The following TYK2 variants were observed in gnomAD, a reference collection of about 807,000 sequenced individuals.
TYK2 encodes non-receptor tyrosine-protein kinase TYK2.
In TYK2, 65 loss-of-function variants were observed where a neutral mutation model predicts 130.9. The ratio of observed to expected loss-of-function variants is 0.50; its 90% CI spans 0.41 to 0.61. The LOEUF is 0.61. TYK2 is among the 20% of genes least tolerant of loss of function. TYK2 has a pLI of 0.00. For missense variants in TYK2, 1,378 were observed against 1,610.7 expected (o/e 0.86, Z 2.47); for synonymous variants, 647 against 658.9 (o/e 0.98, Z 0.28).
At chr19:10,367,872 A>G (rs966454089) in intron 5 of TYK2, among the ~76,000 whole-genome samples, 183 bp downstream of exon 5, 1 of 151,792 alleles carries the variant, frequency 6.6e-6, no homozygotes, top group Non-Finnish European at 1.5e-5. Context: ...GTGAGCCGAG[A>G]TCACATCACT....
In TYK2 at chr19:10,369,863, G is replaced by A. The variant is rs12720246; in HGVS notation, c.194-1445C>T. 9.1e-3 allele frequency: 3,458 copies of A among 381,962 alleles called. 114 individuals carry two copies. The highest frequency in any genetic ancestry group is 0.069 in the African/African-American group (3,182 of 46,276). The allele number at this position is 381,962 out of a possible 1,614,324, so 23.7% of individuals were successfully genotyped here. A position where few individuals can be genotyped will look rare whatever the true frequency, so the allele number is the denominator to read the frequency against. On this transcript the variant is annotated intron_variant, in intron 3 of 24. Coordinates refer to ENST00000525621, the MANE Select transcript of TYK2 (RefSeq NM_003331.5). ...TCAAGACCATCTTGGCTAACATGGT[G>A]AAACCCCGTCTCTACTAAAAAATAC...
intron 17 of TYK2, 180 bp downstream of exon 17, chr19:10,357,584 C>CCT: frequency 2.4e-6 from 2 of 845,064 alleles, no homozygotes; most frequent in Middle Eastern, 4.3e-4. Context: ...GTGACTTCCA[C>CCT]AAGGACCTAA....
intron 23 of TYK2, among the ~76,000 whole-genome samples, chr19:10,351,824 C>T (rs1340109419): frequency 6.6e-6 from 1 of 151,998 alleles, no homozygotes; most frequent in Non-Finnish European, 1.5e-5. Context: ...CTGCAACCTT[C>T]GCCTACCGGG....
At position 10,361,036 on chromosome 19, in the gene TYK2, G is replaced by A. The variant is rs969743833; in HGVS notation, c.2047+475C>T. On this transcript the variant is annotated intron_variant, in intron 14 of 24. Coordinates refer to ENST00000525621, the MANE Select transcript of TYK2 (RefSeq NM_003331.5). The surrounding 1 kb of genome is among the most constrained non-coding windows in gnomAD (Gnocchi z 4.0). ...TCCCAAAGTGCTGGGATAGGTGTGAGCCACCACACCTAGCCTATACAAGGA... is the reference window on the plus strand; with the variant it reads ...TCCCAAAGTGCTGGGATAGGTGTGAACCACCACACCTAGCCTATACAAGGA... 2 of 433,826 alleles carry A rather than the reference G, an allele frequency of 4.6e-6. No homozygotes were observed. The highest frequency in any genetic ancestry group is 2.6e-5 in the Admixed American group (1 of 37,748). The allele number at this position is 433,826 out of a possible 1,614,324, so 26.9% of individuals were successfully genotyped here.
chr19:10,365,278 A>G (rs2041606357), intron 7 of TYK2, among the ~76,000 whole-genome samples: 1 of 152,148 alleles, frequency 6.6e-6, no homozygotes, highest in Non-Finnish European at 1.5e-5. Flanking sequence ...CCTCACACCC[A>G]GGTGCCAGTC....
Position 10,353,927 on chromosome 19 carries a change from A to G in TYK2, c.2908+115T>C. 8.7e-7 allele frequency: 1 copy of G among 1,149,488 alleles called. No individual in the cohort carries two copies. Among genetic ancestry groups the G allele is most frequent in the Non-Finnish European group, 1.3e-6 (1 of 783,494 alleles). The allele number at this position is 1,149,488 out of a possible 1,614,324, so 71.2% of individuals were successfully genotyped here. On this transcript the variant is annotated intron_variant, in intron 20 of 24. Transcript: ENST00000525621. The surrounding 1 kb of genome is among the most constrained non-coding windows in gnomAD (Gnocchi z 6.9). ...CCAGATGCCAAGAACCGCGTACTGC[A>G]GCCTGGGGTTGAGAGTCTCTAATTG...
In TYK2 at chr19:10,378,309, T is replaced by C; in HGVS notation, c.98A>G (p.His33Arg). The change falls in exon 3 of 25, where the codon CAC (histidine) becomes CGC (arginine). Residue 33 changes from histidine to arginine, a missense_variant. By Grantham distance (29) the His-to-Arg change is conservative (BLOSUM62 0). Transcript: ENST00000525621. Reference protein sequence around the residue: ...AAMGGLKVLLHWAGPGGGEPW... With the variant: ...AAMGGLKVLLRWAGPGGGEPW... ...CTCCCCGCCGCCTGGACCAGCCCAG[T>C]GCAGAAGCACCTTCAGGCCTCCCAT... 1.2e-6 allele frequency: 2 copies of C among 1,612,862 alleles called. No homozygotes were observed. Among genetic ancestry groups the C allele is most frequent in the Non-Finnish European group, 1.7e-6 (2 of 1,179,974 alleles).
chr19:10,359,772 G>C (rs1468343121), intron 14 of TYK2, among the ~76,000 whole-genome samples: 1 of 152,190 alleles, frequency 6.6e-6, no homozygotes, highest in East Asian at 1.9e-4. Flanking sequence ...AAGTTCAGGA[G>C]TTCGAGACCA....
chr19:10,377,619 G>A (rs2042193115), intron 3 of TYK2, among the ~76,000 whole-genome samples: 1 of 99,964 alleles, frequency 1.0e-5, no homozygotes, highest in Non-Finnish European at 2.0e-5. Flanking sequence ...TGGATGGATG[G>A]GTGGATGGGT....
intron 17 of TYK2, chr19:10,357,554 C>T (rs765290673): frequency 4.3e-5 from 32 of 745,738 alleles, no homozygotes; most frequent in Middle Eastern, 4.4e-4. Flanking sequence ...TCTTACTTGC[C>T]TTCTGTGTGC....
At chr19:10,363,682 C>A (rs1468350600) in intron 9 of TYK2, among the ~76,000 whole-genome samples, 2 of 152,168 alleles carry the variant, frequency 1.3e-5, no homozygotes, top group African/African-American at 4.8e-5. Flanking sequence ...TATGACAGGG[C>A]AACATAGGGG....
rs12720322 is a variant in TYK2, at chr19:10,353,702, G to A, written c.2909-56C>T. On this transcript the variant is annotated intron_variant, in intron 20 of 24. Coordinates refer to ENST00000525621, the MANE Select transcript of TYK2 (RefSeq NM_003331.5). This position sits in a 1 kb window ranked among gnomAD's most constrained non-coding sequence, Gnocchi z 6.9. ...GACGATAGAGGGCGGGCCGGGGACCGCCTACCTTGAGCCCAGCAGAGCCCC... is the reference window on the plus strand; with the variant it reads ...GACGATAGAGGGCGGGCCGGGGACCACCTACCTTGAGCCCAGCAGAGCCCC... 3.3e-4 allele frequency: 445 copies of A among 1,338,208 alleles called. 3 individuals are homozygous for A. In the African/African-American group the frequency reaches 5.8e-3, roughly 17 times the overall value. 82.9% of individuals were successfully genotyped at this position (1,338,208 alleles called of 1,614,324 possible). A position where few individuals can be genotyped will look rare whatever the true frequency, so the allele number is the denominator to read the frequency against.
chr19:10,358,507 G>A (rs2041227040), intron 15 of TYK2, among the ~76,000 whole-genome samples: 1 of 151,860 alleles, frequency 6.6e-6, no homozygotes, highest in Admixed American at 6.6e-5. Flanking sequence ...AGGCTGGGGT[G>A]CAGTGGTGTG....
chr19:10,357,746 A>G lies in TYK2; in HGVS notation c.2466+18T>C, dbSNP rs2041172083. On this transcript the variant is annotated intron_variant, in intron 17 of 24. Transcript: ENST00000525621. ...GGGCCCCCACTGCGGGGAGGGCCCAAGGGTCTCCTAGACATACCTCGGAGG... is the reference window on the plus strand; with the variant it reads ...GGGCCCCCACTGCGGGGAGGGCCCAGGGGTCTCCTAGACATACCTCGGAGG... 4.4e-6 allele frequency: 7 copies of G among 1,593,874 alleles called. No individual in the cohort carries two copies. In the African/African-American group the frequency reaches 5.4e-5, roughly 12 times the overall value.
At chr19:10,352,087 G>C (rs2040835247) in intron 23 of TYK2, among the ~76,000 whole-genome samples, 1 of 147,506 alleles carries the variant, frequency 6.8e-6, no homozygotes, top group South Asian at 2.2e-4. Context: ...GTCCTGTCCT[G>C]TCTTAGACGG....
Position 10,354,572 on chromosome 19 carries a change from C to T in TYK2, c.2655G>A (p.Pro885=), listed in dbSNP as rs960841634. Residue 885 remains proline, a synonymous_variant, in exon 19 of 25, where the codon CCG becomes CCA. Transcript: ENST00000525621. The part of the protein sequence containing the change: ...ADVLTVNPDS[P]ASDPTVFHKR... ...TGTGGAAAACCGTAGGGTCCGACGC[C>T]GGTGAGTCCGGGTTCACAGTCAAGA... The T allele has an allele frequency of 1.9e-6, 3 of 1,614,056 alleles. No individual in the cohort carries two copies. The highest frequency in any genetic ancestry group is 1.7e-5 in the Admixed American group (1 of 59,988).
Position 10,367,145 on chromosome 19 carries a change from C to T in TYK2, c.466-565G>A, listed in dbSNP as rs12720261. ...AAGCTGTCCTGGGCAGCATGCAGTC[C>T]GCAGGCCAGGGGTTGGACAAGCTTA... On this transcript the variant is annotated intron_variant, in intron 5 of 24. Coordinates refer to ENST00000525621, the MANE Select transcript of TYK2 (RefSeq NM_003331.5). Among the ~76,000 whole-genome samples the T allele has an allele frequency of 2.8e-3, 433 of 152,214 alleles. 4 individuals carry two copies. The highest frequency in any genetic ancestry group is 9.4e-3 in the African/African-American group (391 of 41,532).
At chr19:10,367,991 G>A in intron 5 of TYK2, 64 bp downstream of exon 5, 13 of 1,577,518 alleles carry the variant, frequency 8.2e-6, no homozygotes, top group Non-Finnish European at 1.1e-5. Flanking sequence ...GGAGGGAAAT[G>A]GGGGCTCCTC....
rs1441173196 is a variant in TYK2, at chr19:10,350,908, T to C, written c.3490A>G (p.Asn1164Asp). 18 of 1,614,034 alleles carry C rather than the reference T, an allele frequency of 1.1e-5. No homozygotes were observed. Among genetic ancestry groups the C allele is most frequent in the Non-Finnish European group, 1.4e-5 (17 of 1,180,028 alleles). ...TEASFRPTFENLIPILKTVHE... is the reference protein window; with the variant it reads ...TEASFRPTFEDLIPILKTVHE... ...ACTGTCTTCAGAATGGGTATGAGGT[T>C]CTCGAAGGTTGGGCGAAAGGACGCC... Residue 1164 changes from asparagine to aspartate, a missense_variant, in exon 25 of 25, where the codon AAC becomes GAC. Physicochemically the swap from Asn to Asp is conservative, Grantham distance 23. Coordinates refer to ENST00000525621, the MANE Select transcript of TYK2 (RefSeq NM_003331.5).
Sources: allele counts gnomAD v4.1 joint callset (sites outside exome capture counted in the v4.1 genomes callset), GRCh38; gene constraint gnomAD v4.1.1; non-coding constraint Gnocchi (gnomAD v3.1); transcripts MANE v1.5; gene names NCBI Gene and HGNC (gene_info 2026-07-23, HGNC 2026-07-21).